The following NTN1 variants were observed in gnomAD, a reference collection of about 807,000 sequenced individuals.
NTN1 encodes the protein netrin 1.
Under a neutral mutation model 54.2 loss-of-function variants are expected in NTN1, and 11 were observed. That is an observed-to-expected ratio of 0.20 (90% CI 0.13 to 0.34). The LOEUF (loss-of-function observed/expected upper bound fraction) is 0.34. Ranked by LOEUF, NTN1 falls within the 10% of genes least tolerant of loss-of-function variation. The pLI, the probability that NTN1 is intolerant of heterozygous loss-of-function variation, is 1.00. For synonymous variants in NTN1, 371 were observed against 382.0 expected (o/e 0.97, Z 0.33); for missense variants, 740 against 893.1 (o/e 0.83, Z 2.18).
At chr17:9,226,412 GTGGGGAGGCGGTCT>G in intron 6 of NTN1, among the ~76,000 whole-genome samples, 1 of 146,094 alleles carries the variant, frequency 6.8e-6, no homozygotes, top group Non-Finnish European at 1.5e-5. Flanking sequence ...GGTGGGGGCC[GTGGGGAGGCGGTCT>G]CGTGGGGAGG....
At chr17:9,232,609 C>T (rs1445275020) in intron 6 of NTN1, among the ~76,000 whole-genome samples, 6 of 152,292 alleles carry the variant, frequency 3.9e-5, no homozygotes, top group East Asian at 1.9e-4. Context: ...GGCAGGGCCC[C>T]GGTGGCAGGC....
chr17:9,239,702 A>C lies in NTN1; in HGVS notation c.1549A>C (p.Ile517Leu). Reference sequence around the variant, plus strand: ...GGACTGGTGGAAGTTCACGGTGAACATCATCTCCGTGTATAAGCAGGGCAC... The same window carrying C: ...GGACTGGTGGAAGTTCACGGTGAACCTCATCTCCGTGTATAAGCAGGGCAC... ...AGDWWKFTVN[I>L]ISVYKQGTSR... The change falls in exon 7 of 7, where the codon ATC becomes CTC. Residue 517 changes from isoleucine to leucine, a missense_variant. Coordinates refer to ENST00000173229, the MANE Select transcript of NTN1 (RefSeq NM_004822.3). The surrounding 1 kb of genome is among the most constrained non-coding windows in gnomAD (Gnocchi z 5.2). 6.2e-7 allele frequency: 1 copy of C among 1,613,602 alleles called. No individual in the cohort carries two copies. Among genetic ancestry groups the C allele is most frequent in the Non-Finnish European group, 8.5e-7 (1 of 1,179,912 alleles).
chr17:9,165,786 C>A lies in NTN1; in HGVS notation c.1207+2785C>A, dbSNP rs1237949942. On this transcript the variant is annotated intron_variant, in intron 3 of 6. Coordinates refer to ENST00000173229, the MANE Select transcript of NTN1 (RefSeq NM_004822.3). This position sits in a 1 kb window ranked among gnomAD's most constrained non-coding sequence, Gnocchi z 4.5. ...GAAGACTACACTTAAAAATATTTGC[C>A]ACCTGATTGGTGAGGAAAGACAGGG... 6.6e-6 allele frequency among the ~76,000 whole-genome samples: 1 copy of A among 152,168 alleles called. No homozygotes were observed. The highest frequency in any genetic ancestry group is 1.9e-4 in the East Asian group (1 of 5,194).
At chr17:9,191,289 C>T (rs769094964) in intron 5 of NTN1, among the ~76,000 whole-genome samples, 3 of 152,004 alleles carry the variant, frequency 2.0e-5, no homozygotes, top group East Asian at 1.9e-4. Flanking sequence ...AGTGAAACCC[C>T]GTCACTACTA....
Position 9,061,945 on chromosome 17 carries a change from C to T in NTN1, c.1018+38554C>T, listed in dbSNP as rs187751460. On this transcript the variant is annotated intron_variant, in intron 2 of 6. Transcript: ENST00000173229. ...GTCTTGAACTCCTGACCTCGTGATGCGCCTGCCTCGGTCTCCCAAAGTGCT... is the reference window on the plus strand; with the variant it reads ...GTCTTGAACTCCTGACCTCGTGATGTGCCTGCCTCGGTCTCCCAAAGTGCT... 3.4e-4 allele frequency among the ~76,000 whole-genome samples: 51 copies of T among 152,196 alleles called. 1 individual carries two copies. Among genetic ancestry groups the T allele is most frequent in the African/African-American group, 1.0e-3 (42 of 41,522 alleles).
Position 9,240,070 on chromosome 17 carries a change from C to T in NTN1, c.*102C>T, listed in dbSNP as rs1334081815. 6.0e-6 allele frequency: 2 copies of T among 331,954 alleles called. No homozygotes were observed. The highest frequency in any genetic ancestry group is 2.8e-4 in the East Asian group (2 of 7,102). The allele number at this position is 331,954 out of a possible 1,614,324, so 20.6% of individuals were successfully genotyped here. Reference sequence around the variant, plus strand: ...CGCGGACTTGGCCCGCGAGGGCTTTCCCAGGTGGGGGGAGGGAGGGGGCGG... The same window carrying T: ...CGCGGACTTGGCCCGCGAGGGCTTTTCCAGGTGGGGGGAGGGAGGGGGCGG... On this transcript the variant is annotated 3_prime_UTR_variant, in exon 7 of 7. Coordinates refer to ENST00000173229, the MANE Select transcript of NTN1 (RefSeq NM_004822.3).
Position 9,022,513 on chromosome 17 carries a change from A to T in NTN1, c.140A>T (p.His47Leu), listed in dbSNP as rs766580870. The change falls in exon 2 of 7, where the codon CAC (histidine) becomes CTC (leucine). Residue 47 changes from histidine to leucine, a missense_variant. Coordinates refer to ENST00000173229, the MANE Select transcript of NTN1 (RefSeq NM_004822.3). ...GATCCCTGCTCGGACGAGAACGGCC[A>T]CCCGCGCCGCTGCATCCCGGACTTT... is the stretch of plus-strand genomic sequence containing the variant. ...QPDPCSDENG[H>L]PRRCIPDFVN... is the part of the protein sequence containing the mutation. 17 of 1,547,432 alleles carry T rather than the reference A, an allele frequency of 1.1e-5. No individual in the cohort carries two copies. Among genetic ancestry groups the T allele is most frequent in the Middle Eastern group, 1.7e-4 (1 of 5,988 alleles).
intron 2 of NTN1, among the ~76,000 whole-genome samples, chr17:9,143,656 G>A (rs1232808046): frequency 6.6e-6 from 1 of 152,150 alleles, no homozygotes. Context: ...TCTTGACTGT[G>A]TTCTAGATGG....
chr17:9,163,174 AC>A (rs2092363166), intron 3 of NTN1, among the ~76,000 whole-genome samples, 173 bp downstream of exon 3: 1 of 136,926 alleles, frequency 7.3e-6, no homozygotes, highest in South Asian at 2.2e-4. Flanking sequence ...ACACACACAC[AC>A]ACACACACAC....
intron 2 of NTN1, among the ~76,000 whole-genome samples, chr17:9,053,918 A>C (rs564114810): frequency 2.7e-3 from 410 of 152,266 alleles, no homozygotes; most frequent in Middle Eastern, 6.8e-3. Flanking sequence ...TGCTTCAGCC[A>C]CACCAGGTCA....
At chr17:9,032,980 A>G (rs1295457440) in intron 2 of NTN1, among the ~76,000 whole-genome samples, 1 of 146,638 alleles carries the variant, frequency 6.8e-6, no homozygotes, top group Non-Finnish European at 1.5e-5. Context: ...TTTTGACAGA[A>G]TCTCACTCTG....
At chr17:9,180,755 C>T (rs1300362840) in intron 4 of NTN1, among the ~76,000 whole-genome samples, 1 of 152,170 alleles carries the variant, frequency 6.6e-6, no homozygotes, top group Non-Finnish European at 1.5e-5. Flanking sequence ...AACCCTGAGG[C>T]GTTCCGTACA....
At chr17:9,163,041 G>A (rs777988577) in intron 3 of NTN1, 40 bp downstream of exon 3, 40 of 1,543,862 alleles carry the variant, frequency 2.6e-5, no homozygotes, top group African/African-American at 1.1e-4. Context: ...GGGGAGACCC[G>A]GGGAACATCA....
chr17:9,233,076 G>A lies in NTN1; in HGVS notation c.1487-6564G>A, dbSNP rs574358763. Among the ~76,000 whole-genome samples the A allele has an allele frequency of 1.4e-4, 22 of 151,982 alleles. 2 individuals are homozygous for A. Among genetic ancestry groups the A allele is most frequent in the African/African-American group, 5.3e-4 (22 of 41,234 alleles). On this transcript the variant is annotated intron_variant, in intron 6 of 6. Coordinates refer to ENST00000173229, the MANE Select transcript of NTN1 (RefSeq NM_004822.3). ...AACAGGAAGGTATGGCTGTGTAGGG[G>A]AGGGGAGAGGCTGACCACCTCAGCC...
At position 9,039,618 on chromosome 17, in the gene NTN1, A is replaced by G. The variant is rs72809950; in HGVS notation, c.1018+16227A>G. Among the ~76,000 whole-genome samples, 160 of 152,354 alleles carry G rather than the reference A, an allele frequency of 1.1e-3. 1 individual carries two copies. The Middle Eastern group carries it at 0.027, about 26-fold the overall frequency. On this transcript the variant is annotated intron_variant, in intron 2 of 6. Coordinates refer to ENST00000173229, the MANE Select transcript of NTN1 (RefSeq NM_004822.3). ...CATCACCACAATCAAGATAAATAAC[A>G]TATCCATCAGCCCAAAATGTTCCTG...
At chr17:9,034,912 C>T (rs2091898661) in intron 2 of NTN1, among the ~76,000 whole-genome samples, 1 of 152,130 alleles carries the variant, frequency 6.6e-6, no homozygotes, top group Non-Finnish European at 1.5e-5. Flanking sequence ...CCCTACCCAC[C>T]ATACATGGGT....
chr17:9,039,097 A>AT (rs895863182), intron 2 of NTN1, among the ~76,000 whole-genome samples: 2 of 152,134 alleles, frequency 1.3e-5, no homozygotes, highest in Non-Finnish European at 2.9e-5. Context: ...GGATTTTTCC[A>AT]TTTTGTTTCA....
chr17:9,034,581 A>C (rs8068786), intron 2 of NTN1, among the ~76,000 whole-genome samples: 36,261 of 150,914 alleles, frequency 0.24, 5,035 homozygotes, highest in African/African-American at 0.38. Context: ...CACCACCAAG[A>C]CCAGCTAATT....
At chr17:9,028,086 C>G (rs904795465) in intron 2 of NTN1, among the ~76,000 whole-genome samples, 1 of 151,938 alleles carries the variant, frequency 6.6e-6, no homozygotes, top group Non-Finnish European at 1.5e-5. Context: ...GATCACGCCA[C>G]TGTACTCCAG....
Sources: gnomAD v4.1 joint callset for allele counts (sites outside exome capture counted in the v4.1 genomes callset) on GRCh38, gnomAD v4.1.1 for gene constraint, Gnocchi (gnomAD v3.1) non-coding constraint, MANE v1.5 for transcripts, NCBI Gene and HGNC (gene_info 2026-07-23, HGNC 2026-07-21) for gene names.